Variants in RORA observed in about 807,000 individuals in gnomAD.
RORA encodes the protein RAR related orphan receptor A.
Under a neutral mutation model 69.5 loss-of-function variants are expected in RORA, and 7 were observed. The ratio of observed to expected loss-of-function variants is 0.10; its 90% confidence interval spans 0.06 to 0.19. The LOEUF is 0.19. RORA is among the 10% of genes least tolerant of loss of function. The pLI, the probability that RORA is intolerant of heterozygous loss-of-function variation, is 1.00. For synonymous variants in RORA, 261 were observed against 240.8 expected (o/e 1.08, Z -0.78); for missense variants, 457 against 663.0 (o/e 0.69, Z 3.41).
intron 2 of RORA, among the ~76,000 whole-genome samples, chr15:60,558,742 T>C (rs577635062): frequency 3.9e-4 from 60 of 152,378 alleles, no homozygotes; most frequent in African/African-American, 1.4e-3. Context: ...TTTCCTTCAC[T>C]GTCTCAGAAC....
At chr15:61,094,304 G>T (rs2078757100) in intron 1 of RORA, among the ~76,000 whole-genome samples, 1 of 152,122 alleles carries the variant, frequency 6.6e-6, no homozygotes, top group Non-Finnish European at 1.5e-5. Flanking sequence ...TCCAGTTTTA[G>T]GAAGGAAGAT....
chr15:60,729,089 G>A (rs2071398291), intron 1 of RORA, among the ~76,000 whole-genome samples: 1 of 152,048 alleles, frequency 6.6e-6, no homozygotes, highest in African/African-American at 2.4e-5. Context: ...AATAGGAAAG[G>A]CCGAAGCTGA....
chr15:60,706,750 G>C (rs1212656121), intron 1 of RORA, among the ~76,000 whole-genome samples: 5 of 152,142 alleles, frequency 3.3e-5, no homozygotes, highest in Non-Finnish European at 7.4e-5. Context: ...TCTGCAAAGA[G>C]GGAGCAAACC....
At chr15:60,765,891 C>T (rs2071981446) in intron 1 of RORA, among the ~76,000 whole-genome samples, 1 of 151,818 alleles carries the variant, frequency 6.6e-6, no homozygotes, top group Admixed American at 6.6e-5. Context: ...CGGTACTTTA[C>T]TCACTCAGCT....
At chr15:61,202,642 A>G (rs1227418201) in intron 1 of RORA, among the ~76,000 whole-genome samples, 1 of 152,178 alleles carries the variant, frequency 6.6e-6, no homozygotes, top group Non-Finnish European at 1.5e-5. Context: ...GCTAGAATTC[A>G]GATGCCTATT....
chr15:61,143,242 A>G (rs1334270567), intron 1 of RORA, among the ~76,000 whole-genome samples: 1 of 152,092 alleles, frequency 6.6e-6, no homozygotes, highest in Non-Finnish European at 1.5e-5. Context: ...GCATATATTT[A>G]AAAAAATAAA....
intron 1 of RORA, among the ~76,000 whole-genome samples, chr15:60,919,513 G>C (rs1421690551): frequency 6.6e-6 from 1 of 152,178 alleles, no homozygotes; most frequent in African/African-American, 2.4e-5. Context: ...TACCTATATA[G>C]GGAGTGCCTC....
rs572748789 is a variant in RORA at position 60,592,459 on chromosome 15, G to T, written c.197-60608C>A. ...AGAGCGCAGGGAGAGCGGATGGTCC[G>T]ACCCCGGAGCCCCCTCTGCCGCCGC... On this transcript the variant is annotated intron_variant, in intron 2 of 10. Transcript: ENST00000335670. 8 of 1,391,136 alleles carry T rather than the reference G, an allele frequency of 5.8e-6. No individual in the cohort carries two copies. In the East Asian group the frequency reaches 2.2e-4, roughly 39 times the overall value. 86.2% of individuals were successfully genotyped at this position (1,391,136 alleles called of 1,614,324 possible). A position where few individuals can be genotyped will look rare whatever the true frequency, so the allele number is the denominator to read the frequency against.
rs953278205 is a variant in RORA at position 60,772,939 on chromosome 15, C to T, written c.167-94253G>A. ...ATGTGCCCAGACTTTATCTTAATTG[C>T]CGATTAAGATTAATCCCGCCAGGGA... On this transcript the variant is annotated intron_variant, in intron 1 of 10. Transcript: ENST00000335670. 3.9e-5 allele frequency among the ~76,000 whole-genome samples: 6 copies of T among 152,320 alleles called. No individual in the cohort carries two copies. The East Asian group carries it at 9.6e-4, about 24-fold the overall frequency.
intron 1 of RORA, among the ~76,000 whole-genome samples, chr15:61,017,703 C>T (rs947845787): frequency 3.3e-5 from 5 of 152,030 alleles, no homozygotes; most frequent in East Asian, 1.9e-4. Context: ...CAGCCACGAG[C>T]CCCCCAAAAA....
intron 1 of RORA, among the ~76,000 whole-genome samples, chr15:60,699,261 T>G (rs998429053): frequency 5.3e-5 from 8 of 152,180 alleles, no homozygotes; most frequent in Non-Finnish European, 8.8e-5. Context: ...AAAAATATAT[T>G]CACCTATACT....
intron 1 of RORA, among the ~76,000 whole-genome samples, chr15:60,955,927 C>T (rs1351568652): frequency 1.3e-5 from 2 of 152,130 alleles, no homozygotes; most frequent in Non-Finnish European, 2.9e-5. Flanking sequence ...AATTGCAAAG[C>T]GGTAGACAAA....
At chr15:60,944,433 G>A (rs957547460) in intron 1 of RORA, among the ~76,000 whole-genome samples, 1 of 152,016 alleles carries the variant, frequency 6.6e-6, no homozygotes, top group East Asian at 1.9e-4. Flanking sequence ...TAAGCAGCAC[G>A]GAGCGAGATG....
intron 1 of RORA, among the ~76,000 whole-genome samples, chr15:61,031,388 A>G (rs750934489): frequency 5.3e-5 from 8 of 152,092 alleles, no homozygotes; most frequent in South Asian, 4.2e-4. Flanking sequence ...TTTCTTTTCT[A>G]TTATATACCA....
chr15:60,778,082 C>T (rs1426488472), intron 1 of RORA, among the ~76,000 whole-genome samples: 1 of 152,166 alleles, frequency 6.6e-6, no homozygotes, highest in Non-Finnish European at 1.5e-5. Flanking sequence ...TGTAACACAA[C>T]TGCGCAGGCT....
At chr15:60,526,406 C>A (rs755884011) in intron 3 of RORA, among the ~76,000 whole-genome samples, 25 of 152,216 alleles carry the variant, frequency 1.6e-4, no homozygotes, top group Non-Finnish European at 1.9e-4. Flanking sequence ...GCCCTATCTA[C>A]AACATGGCTT....
chr15:61,133,707 T>C (rs2079212349), intron 1 of RORA, among the ~76,000 whole-genome samples: 1 of 152,132 alleles, frequency 6.6e-6, no homozygotes, highest in Non-Finnish European at 1.5e-5. Flanking sequence ...TCCTCCAACC[T>C]GAGATAAACC....
intron 1 of RORA, among the ~76,000 whole-genome samples, chr15:61,023,641 C>T (rs1895654929): frequency 6.6e-6 from 1 of 152,226 alleles, no homozygotes; most frequent in South Asian, 2.1e-4. Context: ...ACCTTTAAGA[C>T]AGCAAACCTG....
intron 1 of RORA, among the ~76,000 whole-genome samples, chr15:60,840,047 G>T (rs76580796): frequency 6.6e-6 from 1 of 152,192 alleles, no homozygotes; most frequent in Non-Finnish European, 1.5e-5. Flanking sequence ...ACAGCCAAGG[G>T]ATAAAAGCTG....
Sources: allele counts gnomAD v4.1 joint callset (sites outside exome capture counted in the v4.1 genomes callset), GRCh38; gene constraint gnomAD v4.1.1; transcripts MANE v1.5; gene names NCBI Gene and HGNC (gene_info 2026-07-23, HGNC 2026-07-21).